The following PRKG1 variants were observed in gnomAD, a reference collection of about 807,000 sequenced individuals.
PRKG1 encodes the protein protein kinase cGMP-dependent 1, also known as cGMP-dependent protein kinase 1.
Under a neutral mutation model 88.1 loss-of-function variants are expected in PRKG1, and 35 were observed. That is an observed-to-expected ratio of 0.40 (90% CI 0.30 to 0.53). The LOEUF (loss-of-function observed/expected upper bound fraction) is 0.53. Among genes scored for constraint, PRKG1 ranks in the 20% least tolerant of loss-of-function variants. The probability of loss-of-function intolerance (pLI) is 0.59; values close to 1 mark genes in which losing one functional copy is unlikely to be tolerated. For synonymous variants in PRKG1, 303 were observed against 292.5 expected, an observed-to-expected ratio of 1.04 and a Z score of -0.37; for missense variants, 540 against 839.8, an observed-to-expected ratio of 0.64 and a Z score of 4.41.
At chr10:51,852,876 G>A (rs1444698351) in intron 4 of PRKG1, among the ~76,000 whole-genome samples, 1 of 152,054 alleles carries the variant, frequency 6.6e-6, no homozygotes, top group Non-Finnish European at 1.5e-5. Flanking sequence ...AAAGAGAAGT[G>A]TTTTTTCTAG....
Position 51,472,641 on chromosome 10 carries a change from A to G in PRKG1, c.592+4805A>G, listed in dbSNP as rs567148111. On this transcript the variant is annotated intron_variant, in intron 3 of 17. Transcript: ENST00000373980. ...ATCAGATACTTTTTTAGAAAATATC[A>G]TTGTAGAGCACCATGAAGTATTAGA... Among the ~76,000 whole-genome samples, 3 of 152,084 alleles carry G rather than the reference A, an allele frequency of 2.0e-5. No homozygotes were observed. In the East Asian group the frequency reaches 5.8e-4, roughly 29 times the overall value.
intron 1 of PRKG1, among the ~76,000 whole-genome samples, chr10:51,116,741 G>A (rs1395781528): frequency 6.6e-6 from 1 of 152,156 alleles, no homozygotes; most frequent in Non-Finnish European, 1.5e-5. Context: ...AGACCAGTGG[G>A]AGATGATGGG....
chr10:51,866,774 T>C (rs1841024640), intron 4 of PRKG1, among the ~76,000 whole-genome samples: 1 of 152,198 alleles, frequency 6.6e-6, no homozygotes, highest in South Asian at 2.1e-4. Flanking sequence ...GCAAGAAGTG[T>C]TTGAATACTT....
chr10:51,461,544 G>C (rs1839745555), intron 2 of PRKG1, among the ~76,000 whole-genome samples: 1 of 152,152 alleles, frequency 6.6e-6, no homozygotes, highest in South Asian at 2.1e-4. Flanking sequence ...TCCAAAGAAT[G>C]ATTTTCAAAC....
intron 3 of PRKG1, among the ~76,000 whole-genome samples, chr10:51,734,844 A>G (rs1837222844): frequency 1.3e-5 from 2 of 151,840 alleles, no homozygotes; most frequent in Admixed American, 6.6e-5. Flanking sequence ...CTATTGTTCT[A>G]TTTGTATTGT....
chr10:51,822,605 ACC>A (rs1839778229), intron 4 of PRKG1, among the ~76,000 whole-genome samples: 1 of 152,200 alleles, frequency 6.6e-6, no homozygotes, highest in Non-Finnish European at 1.5e-5. Context: ...ATCAGTGATT[ACC>A]ACATGGATTG....
rs1439164219 is a variant in PRKG1, at chr10:51,340,535, CA to C, written c.479-127185del. On this transcript the variant is annotated intron_variant, in intron 2 of 17. Transcript: ENST00000373980. ...TGCATGTTAAACATAGATGAATATGCAAAGACTTAAAGCCATTTGGATTTAG... is the reference window on the plus strand; with the variant it reads ...TGCATGTTAAACATAGATGAATATGCAAGACTTAAAGCCATTTGGATTTAG... 1.4e-4 allele frequency among the ~76,000 whole-genome samples: 21 copies of C among 152,258 alleles called. No individual in the cohort carries two copies. In the East Asian group the frequency reaches 1.5e-3, roughly 11 times the overall value.
At chr10:52,075,362 T>C (rs550789520) in intron 7 of PRKG1, among the ~76,000 whole-genome samples, 1 of 152,302 alleles carries the variant, frequency 6.6e-6, no homozygotes, top group South Asian at 2.1e-4. Context: ...AAAATGTTAC[T>C]AAGATTTTTT....
intron 3 of PRKG1, among the ~76,000 whole-genome samples, chr10:51,793,162 GAAC>G (rs1444700269): frequency 2.8e-4 from 27 of 96,746 alleles, no homozygotes; most frequent in Admixed American, 2.1e-3. Flanking sequence ...AAAAAAACCA[GAAC>G]AACAATTTAA....
intron 2 of PRKG1, among the ~76,000 whole-genome samples, chr10:51,432,683 G>T (rs1373974724): frequency 6.6e-6 from 1 of 150,670 alleles, no homozygotes; most frequent in Non-Finnish European, 1.5e-5. Flanking sequence ...TAGGGTGTCT[G>T]CTTATAGTTT....
At chr10:52,162,943 A>G (rs887711271) in intron 9 of PRKG1, among the ~76,000 whole-genome samples, 1 of 152,158 alleles carries the variant, frequency 6.6e-6, no homozygotes, top group African/African-American at 2.4e-5. Flanking sequence ...ACCAGGCTCC[A>G]TGCAGTCACT....
intron 7 of PRKG1, chr10:52,081,456 T>C: frequency 2.5e-6 from 1 of 399,158 alleles, no homozygotes; most frequent in Non-Finnish European, 5.0e-6. Context: ...TTAGTTACTA[T>C]ATATCTCTCC....
At chr10:51,572,674 A>G (rs1837786486) in intron 3 of PRKG1, among the ~76,000 whole-genome samples, 1 of 151,876 alleles carries the variant, frequency 6.6e-6, no homozygotes, top group Non-Finnish European at 1.5e-5. Flanking sequence ...GGATCAGGCC[A>G]GCAATCTTTT....
chr10:51,171,403 G>A (rs1363640464), intron 2 of PRKG1, among the ~76,000 whole-genome samples: 3 of 152,098 alleles, frequency 2.0e-5, no homozygotes, highest in African/African-American at 4.8e-5. Context: ...AATGGAGGAG[G>A]CTGGTGGAGC....
chr10:52,130,599 G>A (rs1837226426), intron 7 of PRKG1, among the ~76,000 whole-genome samples: 1 of 152,150 alleles, frequency 6.6e-6, no homozygotes, highest in Non-Finnish European at 1.5e-5. Context: ...TTTTGTGATG[G>A]TAGTTTGTTT....
At chr10:51,291,425 CG>C (rs202212937) in intron 2 of PRKG1, among the ~76,000 whole-genome samples, 5,029 of 152,206 alleles carry the variant, frequency 0.033, 137 homozygotes, top group South Asian at 0.075. Flanking sequence ...AACAAGATAA[CG>C]GTAACTGTAG....
chr10:51,274,852 G>T (rs1840073397), intron 2 of PRKG1, among the ~76,000 whole-genome samples: 1 of 152,226 alleles, frequency 6.6e-6, no homozygotes, highest in Admixed American at 6.5e-5. Flanking sequence ...GGGCAGTATA[G>T]TCCCTCTCTA....
At chr10:51,939,861 G>A in intron 5 of PRKG1, among the ~76,000 whole-genome samples, 1 of 151,872 alleles carries the variant, frequency 6.6e-6, no homozygotes, top group East Asian at 1.9e-4. Flanking sequence ...TTATGCTGAT[G>A]AGTGATCCTG....
chr10:51,097,081 T>A (rs1397060075), intron 1 of PRKG1, among the ~76,000 whole-genome samples: 3 of 152,288 alleles, frequency 2.0e-5, no homozygotes, highest in East Asian at 3.9e-4. Flanking sequence ...AGCCTAGCAG[T>A]CTGTTCCCTG....
Sources: allele counts gnomAD v4.1 joint callset (sites outside exome capture counted in the v4.1 genomes callset), GRCh38; gene constraint gnomAD v4.1.1; transcripts MANE v1.5; gene names NCBI Gene and HGNC (gene_info 2026-07-23, HGNC 2026-07-21).